The following KHSRP variants were observed in gnomAD, a reference collection of about 807,000 sequenced individuals.
KHSRP encodes the protein KH-type splicing regulatory protein, also known as far upstream element-binding protein 2.
KHSRP carries 13 observed loss-of-function variants against 94.9 expected under a neutral mutation model. The ratio of observed to expected loss-of-function variants is 0.14; its 90% CI spans 0.09 to 0.22. The LOEUF (loss-of-function observed/expected upper bound fraction) is 0.22, where lower values mean the gene tolerates loss of function less well. Among genes scored for constraint, KHSRP ranks in the 10% least tolerant of loss-of-function variants. The pLI, the probability that KHSRP is intolerant of heterozygous loss-of-function variation, is 1.00. For missense variants in KHSRP, 710 were observed against 1,010.0 expected, an observed-to-expected ratio of 0.70 and a Z score of 4.03; for synonymous variants, 495 against 401.4, an observed-to-expected ratio of 1.23 and a Z score of -2.79.
intron 5 of KHSRP, 38 bp from the exon 6 acceptor site, chr19:6,420,182 AG>A: frequency 9.6e-6 from 15 of 1,568,540 alleles, no homozygotes; most frequent in Non-Finnish European, 1.3e-5. Context: ...AAGCGTGATG[AG>A]GGAAGGGAGC....
At position 6,418,686 on chromosome 19, in the gene KHSRP, C is replaced by A. The variant is rs1167433115; in HGVS notation, c.780+16G>T. On this transcript the variant is annotated intron_variant, in intron 8 of 18. Transcript: ENST00000600480. The surrounding 1 kb of genome is among the most constrained non-coding windows in gnomAD (Gnocchi z 4.3). ...GCACACGGATGCAGAGGAAGCTGCC[C>A]AGGTGCTGCCCTCACCTGCAGCTGC... The A allele has an allele frequency of 6.2e-7, 1 of 1,613,790 alleles. No individual in the cohort carries two copies. The highest frequency in any genetic ancestry group is 2.2e-5 in the East Asian group (1 of 44,882).
chr19:6,424,421 G>T, intron 1 of KHSRP, 32 bp downstream of exon 1: 1 of 979,230 alleles, frequency 1.0e-6, no homozygotes, highest in South Asian at 4.6e-5. Context: ...GCGCGCGCGC[G>T]AGCGCGCCCC....
At chr19:6,419,114 G>T in intron 7 of KHSRP, 89 bp downstream of exon 7, 3 of 1,307,990 alleles carry the variant, frequency 2.3e-6, no homozygotes, top group Non-Finnish European at 2.1e-6. Flanking sequence ...GACATGGCGT[G>T]CAAGTTGCTC....
chr19:6,415,000 G>A lies in KHSRP; in HGVS notation c.*24C>T. 6.9e-7 allele frequency: 1 copy of A among 1,449,406 alleles called. No homozygotes were observed. Among genetic ancestry groups the A allele is most frequent in the Non-Finnish European group, 9.0e-7 (1 of 1,108,020 alleles). 89.8% of individuals were successfully genotyped at this position (1,449,406 alleles called of 1,614,324 possible). ...GCGTGGGGACTCCCGGAGACCTCCGGCCACACGGCCCCCGCTGCAGGCATC... is the reference window on the plus strand; with the variant it reads ...GCGTGGGGACTCCCGGAGACCTCCGACCACACGGCCCCCGCTGCAGGCATC... On this transcript the variant is annotated 3_prime_UTR_variant, in exon 19 of 19. Coordinates refer to ENST00000600480, the MANE Select transcript of KHSRP (RefSeq NM_001366299.1).
chr19:6,417,757 G>C lies in KHSRP; in HGVS notation c.1063C>G (p.Arg355Gly), dbSNP rs1194469757. 2 of 1,613,618 alleles carry C rather than the reference G, an allele frequency of 1.2e-6. No homozygotes were observed. The highest frequency in any genetic ancestry group is 1.1e-5 in the South Asian group (1 of 91,082). ...CCCTGACCTTGCTTGAACTGTATCC[G>C]CACGCCAGCATCATTCTGGATCTTC... ...IKKIQNDAGVRIQFKQDDGTG... is the reference protein window; with the variant it reads ...IKKIQNDAGVGIQFKQDDGTG... The change falls in exon 11 of 19, where the codon CGG (arginine) becomes GGG (glycine). Residue 355 changes from arginine to glycine, a missense_variant. Around this residue, in one of 5 missense-constraint regions of KHSRP, gnomAD observed 288 missense variants for 501.1 expected, o/e 0.57. Transcript: ENST00000600480.
Position 6,416,998 on chromosome 19 carries a change from G to C in KHSRP, c.1171C>G (p.Gln391Glu). Residue 391 changes from glutamine (Q) to glutamate (E), a missense_variant, in exon 12 of 19, where the codon CAG (glutamine) becomes GAG (glutamate). Physicochemically the swap from Gln to Glu is conservative, Grantham distance 29. This residue lies in a region of KHSRP where 288 missense variants were observed against 501.1 expected (regional missense o/e 0.57). Transcript: ENST00000600480. Reference protein sequence around the residue: ...HAARIINDLLQSLRSGPPGPP... With the variant: ...HAARIINDLLESLRSGPPGPP... ...CCGGGGCCACCTACCCTGAGGCTCT[G>C]GAGGAGGTCGTTGATGATCCGGGCT... The C allele has an allele frequency of 6.2e-7, 1 of 1,613,762 alleles. No homozygotes were observed. The highest frequency in any genetic ancestry group is 8.5e-7 in the Non-Finnish European group (1 of 1,179,848).
chr19:6,424,061 T>A (rs1034235220), intron 1 of KHSRP: 8 of 152,006 alleles, frequency 5.3e-5, no homozygotes, highest in Non-Finnish European at 7.3e-5. Flanking sequence ...TGGGACTGGG[T>A]TGGGGGCAAA....
rs200573172 is a variant in KHSRP, at chr19:6,416,926, G to A, written c.1183-44C>T. On this transcript the variant is annotated intron_variant, in intron 12 of 18. Transcript: ENST00000600480. ...AGGAGGATGATGAACCCTGGAAGCC[G>A]GTCTGGTCTTGCACTCCCCTGGAGG... The A allele has an allele frequency of 5.3e-4, 858 of 1,612,876 alleles. 2 individuals carry two copies. Among genetic ancestry groups the A allele is most frequent in the Non-Finnish European group, 5.7e-4 (675 of 1,179,764 alleles).
At chr19:6,417,614 G>T in intron 11 of KHSRP, 125 bp downstream of exon 11, 1 of 706,152 alleles carries the variant, frequency 1.4e-6, no homozygotes, top group Non-Finnish European at 2.5e-6. Context: ...TCTGACGGCT[G>T]GACTAAGAGC....
chr19:6,416,472 G>A lies in KHSRP; in HGVS notation c.1488+18C>T. On this transcript the variant is annotated intron_variant, in intron 14 of 18. Coordinates refer to ENST00000600480, the MANE Select transcript of KHSRP (RefSeq NM_001366299.1). The stretch of plus-strand genomic sequence containing the variant: ...TCCGGGCTGTGAGACCAAATCCCCA[G>A]AGCCCGCCCCAACCCACCTCGATCT... The A allele has an allele frequency of 6.2e-7, 1 of 1,612,498 alleles. No homozygotes were observed. The highest frequency in any genetic ancestry group is 2.2e-5 in the East Asian group (1 of 44,852).
rs762325823 is a variant in KHSRP at position 6,418,112 on chromosome 19, G to T, written c.880-33C>A. 1 of 1,588,376 alleles carries T rather than the reference G, an allele frequency of 6.3e-7. No homozygotes were observed. Among genetic ancestry groups the T allele is most frequent in the Non-Finnish European group, 8.6e-7 (1 of 1,157,420 alleles). ...CACACAGGAAGCAGCCCCCATGGGT[G>T]AGCCCTGCTGCCCCACACCCCCCCA... On this transcript the variant is annotated intron_variant, in intron 9 of 18. Coordinates refer to ENST00000600480, the MANE Select transcript of KHSRP (RefSeq NM_001366299.1). The surrounding 1 kb of genome is among the most constrained non-coding windows in gnomAD (Gnocchi z 4.3).
In KHSRP at chr19:6,413,918, G is replaced by A. The variant is rs2092120019; in HGVS notation, c.*1106C>T. ...CCCAATTTTGAAAGAAAAAGCATGT[G>A]AGACACAGAACAGGCGAGAGAGTGA... On this transcript the variant is annotated 3_prime_UTR_variant, in exon 19 of 19. Coordinates refer to ENST00000600480, the MANE Select transcript of KHSRP (RefSeq NM_001366299.1). 2 of 540,306 alleles carry A rather than the reference G, an allele frequency of 3.7e-6. No individual in the cohort carries two copies. The highest frequency in any genetic ancestry group is 4.1e-5 in the Admixed American group (1 of 24,542). 33.5% of individuals were successfully genotyped at this position (540,306 alleles called of 1,614,324 possible).
At chr19:6,417,953 G>C (rs754259619) in intron 10 of KHSRP, 28 bp downstream of exon 10, 7 of 1,605,104 alleles carry the variant, frequency 4.4e-6, no homozygotes, top group East Asian at 2.2e-5. Flanking sequence ...GCGGGGGAGA[G>C]GGGGGTGAAG....
Position 6,415,143 on chromosome 19 carries a change from G to C in KHSRP, c.2125C>G (p.Gln709Glu). Reference sequence around the variant, plus strand: ...GGAGGGTGGCAATTCCCACTTGCCTGCTGCTGTCCCTGCTGCGTGGGCGGC... The same window carrying C: ...GGAGGGTGGCAATTCCCACTTGCCTCCTGCTGTCCCTGCTGCGTGGGCGGC... ...QPPPTQQGQQQASGNCHPPPP... is the reference protein window; with the variant it reads ...QPPPTQQGQQEASGNCHPPPP... Residue 709 changes from glutamine to glutamate, a missense_variant, in exon 19 of 19, where the codon CAG (glutamine) becomes GAG (glutamate). Gln to Glu is a conservative substitution (Grantham distance 29, BLOSUM62 2). Coordinates refer to ENST00000600480, the MANE Select transcript of KHSRP (RefSeq NM_001366299.1). The C allele has an allele frequency of 6.2e-7, 1 of 1,602,830 alleles. No individual in the cohort carries two copies. The highest frequency in any genetic ancestry group is 8.5e-7 in the Non-Finnish European group (1 of 1,178,568).
Position 6,419,072 on chromosome 19 carries a change from A to G in KHSRP, c.605+131T>C, listed in dbSNP as rs993973844. 3.1e-5 allele frequency: 35 copies of G among 1,140,522 alleles called. No homozygotes were observed. The East Asian group carries it at 3.4e-4, about 11-fold the overall frequency. 70.7% of individuals were successfully genotyped at this position (1,140,522 alleles called of 1,614,324 possible). On this transcript the variant is annotated intron_variant, in intron 7 of 18. Coordinates refer to ENST00000600480, the MANE Select transcript of KHSRP (RefSeq NM_001366299.1). Reference sequence around the variant, plus strand: ...GCCGGGGAATCAGCCTCATGTTAACATGGCTGTCTGGAGATGGGGGCAAGA... The same window carrying G: ...GCCGGGGAATCAGCCTCATGTTAACGTGGCTGTCTGGAGATGGGGGCAAGA...
chr19:6,418,166 G>A lies in KHSRP; in HGVS notation c.880-87C>T, dbSNP rs1371316793. The A allele has an allele frequency of 1.7e-6, 2 of 1,187,190 alleles. No individual in the cohort carries two copies. Among genetic ancestry groups the A allele is most frequent in the East Asian group, 2.5e-5 (1 of 40,536 alleles). 73.5% of individuals were successfully genotyped at this position (1,187,190 alleles called of 1,614,324 possible). Reference sequence around the variant, plus strand: ...CCTCGGGGGTGCGGGCCTCAACTAAGGACCCACGAACCCTGGGTGAGCCCA... The same window carrying A: ...CCTCGGGGGTGCGGGCCTCAACTAAAGACCCACGAACCCTGGGTGAGCCCA... On this transcript the variant is annotated intron_variant, in intron 9 of 18. Coordinates refer to ENST00000600480, the MANE Select transcript of KHSRP (RefSeq NM_001366299.1). The surrounding 1 kb of genome is among the most constrained non-coding windows in gnomAD (Gnocchi z 4.3).
rs2092200217 is a variant in KHSRP at position 6,422,335 on chromosome 19, G to GT, written c.346+4dup. On this transcript the variant is annotated splice_donor_region_variant and intron_variant, in intron 2 of 18. Transcript: ENST00000600480. ...CCTAAGCTAAAGGCAGCAGCAGGGAGTTACCTCCATCTTCCAACTGTCTCT... is the reference window on the plus strand; with the variant it reads ...CCTAAGCTAAAGGCAGCAGCAGGGAGTTTACCTCCATCTTCCAACTGTCTCT... 15 of 1,604,034 alleles carry GT rather than the reference G, an allele frequency of 9.4e-6. No individual in the cohort carries two copies. The highest frequency in any genetic ancestry group is 1.3e-5 in the Non-Finnish European group (15 of 1,171,104).
At chr19:6,423,490 G>A (rs917017105) in intron 1 of KHSRP, among the ~76,000 whole-genome samples, 2 of 152,198 alleles carry the variant, frequency 1.3e-5, no homozygotes, top group African/African-American at 4.8e-5. Flanking sequence ...GCCCACAGGG[G>A]GCCTGTCCCC....
Position 6,415,535 on chromosome 19 carries a change from G to C in KHSRP, c.1887C>G (p.Ile629Met). 4 of 1,542,588 alleles carry C rather than the reference G, an allele frequency of 2.6e-6. No homozygotes were observed. Among genetic ancestry groups the C allele is most frequent in the Non-Finnish European group, 8.7e-7 (1 of 1,143,080 alleles). ...CCCCCCGCCACCCTGCAGACTCACC[G>C]ATCTTTTTGTAATACTCTTCCCAGG... is the stretch of plus-strand genomic sequence containing the variant. ...TKAWEEYYKK[I>M]GQQPQQPGAP... Residue 629 changes from isoleucine (I) to methionine (M), a missense_variant and splice_region_variant, in exon 17 of 19, where the codon ATC becomes ATG. Transcript: ENST00000600480.
Sources: allele counts gnomAD v4.1 joint callset (sites outside exome capture counted in the v4.1 genomes callset), GRCh38; gene constraint gnomAD v4.1.1; regional missense constraint gnomAD v4.1.1; non-coding constraint Gnocchi (gnomAD v3.1); transcripts MANE v1.5; gene names NCBI Gene and HGNC (gene_info 2026-07-23, HGNC 2026-07-21).